The following GRIK4 variants were observed in gnomAD, a reference collection of about 807,000 sequenced individuals.
GRIK4 encodes the protein glutamate ionotropic receptor kainate type subunit 4.
A neutral mutation model predicts 104.9 loss-of-function variants in GRIK4; 40 were observed. The ratio of observed to expected loss-of-function variants is 0.38; its 90% CI spans 0.30 to 0.50. The LOEUF is 0.50. GRIK4 is among the 20% of genes least tolerant of loss of function. The pLI is 0.93. For missense variants in GRIK4, 1,047 were observed against 1,308.1 expected (o/e 0.80, Z 3.08); for synonymous variants, 485 against 524.9 (o/e 0.92, Z 1.04).
chr11:120,871,948 G>A, intron 9 of GRIK4: 1 of 455,956 alleles, frequency 2.2e-6, no homozygotes, highest in Non-Finnish European at 4.4e-6. Context: ...GGCTCACCCA[G>A]TTCCCCTCAT....
chr11:120,818,587 T>C (rs900014861), intron 5 of GRIK4, among the ~76,000 whole-genome samples: 8 of 152,212 alleles, frequency 5.3e-5, no homozygotes, highest in Non-Finnish European at 1.0e-4. Context: ...TGCTAAATCT[T>C]TATCCTCTTC....
intron 3 of GRIK4, among the ~76,000 whole-genome samples, chr11:120,679,377 C>T (rs1247827785): frequency 1.3e-5 from 2 of 152,192 alleles, no homozygotes; most frequent in Non-Finnish European, 1.5e-5. Context: ...AAACCTAGTG[C>T]CCCCGGAGCC....
At chr11:120,557,267 C>G (rs1028750761) in intron 1 of GRIK4, among the ~76,000 whole-genome samples, 1 of 152,218 alleles carries the variant, frequency 6.6e-6, no homozygotes, top group Non-Finnish European at 1.5e-5. Flanking sequence ...AGCACACCAT[C>G]CCTTCCCTCT....
intron 3 of GRIK4, among the ~76,000 whole-genome samples, chr11:120,681,744 C>T (rs922238351): frequency 6.6e-6 from 1 of 152,206 alleles, no homozygotes; most frequent in Non-Finnish European, 1.5e-5. Context: ...CACTGAGTCC[C>T]CCAGGCTGGG....
At chr11:120,761,054 A>G (rs1218508563) in intron 3 of GRIK4, among the ~76,000 whole-genome samples, 1 of 151,826 alleles carries the variant, frequency 6.6e-6, no homozygotes, top group African/African-American at 2.4e-5. Context: ...ACTAATTTAG[A>G]CTCCCACCAA....
chr11:120,581,733 C>G (rs1460634561), intron 1 of GRIK4, among the ~76,000 whole-genome samples: 16 of 151,966 alleles, frequency 1.1e-4, no homozygotes, highest in Non-Finnish European at 2.4e-4. Context: ...TAACATGTGT[C>G]AGAATTTCCT....
Position 120,982,221 on chromosome 11 carries a change from T to G in GRIK4, c.2511T>G (p.Thr837=). ...GGACTCTCAGACACTCAGAAGCAAC[T>G]GAGGTAAACTTTCAAAGGGGTATGA... ...FLWTLRHSEA[T]EVSVCQEMVT... is the part of the protein sequence containing the mutation. The change falls in exon 20 of 21, where the codon ACT becomes ACG. Residue 837 remains threonine (T), a synonymous_variant. Coordinates refer to ENST00000527524, the MANE Select transcript of GRIK4 (RefSeq NM_014619.5). 1.3e-6 allele frequency: 2 copies of G among 1,536,006 alleles called. No homozygotes were observed. Among genetic ancestry groups the G allele is most frequent in the Admixed American group, 1.7e-5 (1 of 59,888 alleles).
At chr11:120,531,391 G>A (rs978445999) in intron 1 of GRIK4, among the ~76,000 whole-genome samples, 1 of 152,120 alleles carries the variant, frequency 6.6e-6, no homozygotes, top group African/African-American at 2.4e-5. Context: ...CCATAGCGCT[G>A]CCCAAATAAT....
chr11:120,612,834 C>T (rs1187716548), intron 1 of GRIK4, among the ~76,000 whole-genome samples: 2 of 152,180 alleles, frequency 1.3e-5, no homozygotes, highest in East Asian at 3.8e-4. Context: ...AGACAGAGGC[C>T]ATACCAGAGC....
At chr11:120,917,819 A>G (rs960253590) in intron 13 of GRIK4, among the ~76,000 whole-genome samples, 1 of 152,206 alleles carries the variant, frequency 6.6e-6, no homozygotes, top group East Asian at 1.9e-4. Flanking sequence ...TGGGAAACTT[A>G]TCAGTTCTTG....
intron 11 of GRIK4, among the ~76,000 whole-genome samples, chr11:120,885,236 G>A (rs1321593641): frequency 3.3e-5 from 5 of 152,200 alleles, no homozygotes; most frequent in African/African-American, 7.2e-5. Flanking sequence ...ATGAGTCCTC[G>A]TGTTGACTGA....
Position 120,785,107 on chromosome 11 carries a change from G to A in GRIK4, c.83-17586G>A, listed in dbSNP as rs538259893. Among the ~76,000 whole-genome samples the A allele has an allele frequency of 2.6e-5, 4 of 152,176 alleles. 1 individual carries two copies. The highest frequency in any genetic ancestry group is 2.1e-4 in the South Asian group (1 of 4,800). On this transcript the variant is annotated intron_variant, in intron 3 of 20. Coordinates refer to ENST00000527524, the MANE Select transcript of GRIK4 (RefSeq NM_014619.5). Reference sequence around the variant, plus strand: ...TCATTCCCACTCTGTCCCATAAGTCGTCCAGAAGGCTGTCACCGGCGGGCC... The same window carrying A: ...TCATTCCCACTCTGTCCCATAAGTCATCCAGAAGGCTGTCACCGGCGGGCC...
intron 13 of GRIK4, among the ~76,000 whole-genome samples, chr11:120,916,964 G>A (rs757511564): frequency 1.3e-4 from 20 of 151,424 alleles, no homozygotes; most frequent in African/African-American, 2.9e-4. Context: ...CAGGCTTTCC[G>A]GCCAGGTGTG....
chr11:120,784,678 T>C (rs1001027278), intron 3 of GRIK4, among the ~76,000 whole-genome samples: 1 of 152,058 alleles, frequency 6.6e-6, no homozygotes. Context: ...GAAGACAGCA[T>C]GGAGTGATGT....
intron 3 of GRIK4, among the ~76,000 whole-genome samples, chr11:120,785,202 G>A (rs565584970): frequency 6.6e-6 from 1 of 152,320 alleles, no homozygotes; most frequent in Admixed American, 6.5e-5. Flanking sequence ...TGTGCAGTGA[G>A]CCATGAGACT....
At chr11:120,739,441 C>A (rs1428145468) in intron 3 of GRIK4, among the ~76,000 whole-genome samples, 3 of 152,164 alleles carry the variant, frequency 2.0e-5, no homozygotes, top group Admixed American at 2.0e-4. Flanking sequence ...TCTTCCAGGC[C>A]TTGCTTCATG....
chr11:120,776,743 T>C (rs919061178), intron 3 of GRIK4, among the ~76,000 whole-genome samples: 3 of 152,100 alleles, frequency 2.0e-5, no homozygotes. Context: ...ACTCCCAAGC[T>C]CAGTCAAGGT....
intron 1 of GRIK4, among the ~76,000 whole-genome samples, chr11:120,616,552 G>A (rs1160052245): frequency 2.0e-5 from 3 of 152,230 alleles, no homozygotes; most frequent in African/African-American, 7.2e-5. Flanking sequence ...TAGGAAGTTG[G>A]CCCTACAATG....
At position 120,751,422 on chromosome 11, in the gene GRIK4, G is replaced by A. The variant is rs185040161; in HGVS notation, c.83-51271G>A. On this transcript the variant is annotated intron_variant, in intron 3 of 20. Coordinates refer to ENST00000527524, the MANE Select transcript of GRIK4 (RefSeq NM_014619.5). The stretch of plus-strand genomic sequence containing the variant: ...AGTCATTTGCATAGGAAGTCCTATC[G>A]GTAGCTTTATGAAATAAAATAAATA... 2.3e-3 allele frequency among the ~76,000 whole-genome samples: 349 copies of A among 152,266 alleles called. 1 individual carries two copies. The highest frequency in any genetic ancestry group is 3.9e-3 in the South Asian group (19 of 4,820).
Sources: gnomAD v4.1 joint callset for allele counts (sites outside exome capture counted in the v4.1 genomes callset) on GRCh38, gnomAD v4.1.1 for gene constraint, MANE v1.5 for transcripts, NCBI Gene and HGNC (gene_info 2026-07-23, HGNC 2026-07-21) for gene names.